Variants in ARHGEF10L observed in about 807,000 individuals in gnomAD.
ARHGEF10L encodes rho guanine nucleotide exchange factor 10-like protein.
Under a neutral mutation model 141.2 loss-of-function variants are expected in ARHGEF10L, and 69 were observed. That is an observed-to-expected ratio of 0.49 (90% confidence interval 0.40 to 0.60). ARHGEF10L has a LOEUF of 0.60. ARHGEF10L is among the 20% of genes least tolerant of loss of function. The pLI is 0.00. For synonymous variants in ARHGEF10L, 711 were observed against 718.5 expected (o/e 0.99, Z 0.17); for missense variants, 1,482 against 1,734.3 (o/e 0.85, Z 2.58).
At position 17,639,919 on chromosome 1, in the gene ARHGEF10L, C is replaced by A. The variant is rs943901938; in HGVS notation, c.2172-283C>A. ...GAGTCACAGCCTGCAGAGGCTCTGC[C>A]GGGCACAAAGCCAGAGGCTCCTGGA... On this transcript the variant is annotated intron_variant, in intron 20 of 28. Transcript: ENST00000361221. The surrounding 1 kb of genome is among the most constrained non-coding windows in gnomAD (Gnocchi z 4.3). 2 of 1,455,922 alleles carry A rather than the reference C, an allele frequency of 1.4e-6. No homozygotes were observed. The highest frequency in any genetic ancestry group is 2.4e-5 in the South Asian group (2 of 82,464). 90.2% of individuals were successfully genotyped at this position (1,455,922 alleles called of 1,614,324 possible). A position where few individuals can be genotyped will look rare whatever the true frequency, so the allele number is the denominator to read the frequency against.
chr1:17,537,683 G>A (rs2076594637), upstream of ARHGEF10L, among the ~76,000 whole-genome samples: 1 of 152,042 alleles, frequency 6.6e-6, no homozygotes, highest in Admixed American at 6.6e-5. Context: ...GGCATCCTGA[G>A]CTGGAGGCGT....
intron 1 of ARHGEF10L, among the ~76,000 whole-genome samples, chr1:17,564,152 C>T (rs1216104074): frequency 6.6e-6 from 1 of 152,204 alleles, no homozygotes; most frequent in African/African-American, 2.4e-5. Flanking sequence ...CTGGCCTGCA[C>T]AGTGGGGCCC....
At chr1:17,687,000 T>G (rs1298917726) in intron 26 of ARHGEF10L, among the ~76,000 whole-genome samples, 2 of 152,170 alleles carry the variant, frequency 1.3e-5, no homozygotes, top group Non-Finnish European at 2.9e-5. Context: ...TTGTTCACTC[T>G]GCTGCTTCTT....
intron 9 of ARHGEF10L, chr1:17,618,467 C>T (rs770849315): frequency 6.8e-7 from 1 of 1,474,468 alleles, no homozygotes; most frequent in Non-Finnish European, 9.0e-7. Context: ...ACCACCCCCA[C>T]CCCCACGCCG....
intron 1 of ARHGEF10L, among the ~76,000 whole-genome samples, chr1:17,565,174 G>T (rs758995900): frequency 6.6e-6 from 1 of 152,180 alleles, no homozygotes; most frequent in Non-Finnish European, 1.5e-5. Flanking sequence ...GGGCCTAGCC[G>T]GGGCCTTGTT....
At chr1:17,688,053 G>A (rs1377249614) in intron 27 of ARHGEF10L, among the ~76,000 whole-genome samples, 3 of 152,212 alleles carry the variant, frequency 2.0e-5, no homozygotes, top group African/African-American at 7.2e-5. Flanking sequence ...AAGCTGGGCA[G>A]GAACCCAGGC....
chr1:17,524,581 G>T, the ARHGEF10L span, among the ~76,000 whole-genome samples: 1 of 152,064 alleles, frequency 6.6e-6, no homozygotes, highest in Admixed American at 6.6e-5. Context: ...CAAAGAAAAT[G>T]TTATATATGT....
the ARHGEF10L span, among the ~76,000 whole-genome samples, chr1:17,530,399 G>A: frequency 2.6e-5 from 4 of 152,170 alleles, no homozygotes; most frequent in Admixed American, 2.6e-4. Context: ...TGCAGAATAG[G>A]AATTGCAATA....
At position 17,634,834 on chromosome 1, in the gene ARHGEF10L, G is replaced by C. The variant is rs1156261422; in HGVS notation, c.1746-1G>C. 6.2e-7 allele frequency: 1 copy of C among 1,612,076 alleles called. No individual in the cohort carries two copies. The highest frequency in any genetic ancestry group is 8.5e-7 in the Non-Finnish European group (1 of 1,179,084). On this transcript the variant is annotated splice_acceptor_variant, in intron 17 of 28. Transcript: ENST00000361221. LOFTEE classifies it high-confidence loss of function. ...GGGCCTTGTCCTCTCTGTTCCAACA[G>C]GGGCCAGCTGGAGATCAGCAGCCTG...
At chr1:17,541,933 C>T (rs1044965895) in intron 1 of ARHGEF10L, among the ~76,000 whole-genome samples, 3 of 152,022 alleles carry the variant, frequency 2.0e-5, no homozygotes, top group Non-Finnish European at 4.4e-5. Context: ...CACCATTGCA[C>T]TCCAGCTTGG....
At chr1:17,517,712 G>T in the ARHGEF10L span, among the ~76,000 whole-genome samples, 2 of 151,918 alleles carry the variant, frequency 1.3e-5, no homozygotes, top group Admixed American at 1.3e-4. Flanking sequence ...CCAGGCTGGA[G>T]TACAATGGCA....
intron 26 of ARHGEF10L, among the ~76,000 whole-genome samples, chr1:17,676,512 A>C (rs1009319489): frequency 6.6e-6 from 1 of 151,942 alleles, no homozygotes; most frequent in Non-Finnish European, 1.5e-5. Flanking sequence ...CATGCAGGCG[A>C]GGCCTGCAGG....
chr1:17,556,546 C>A (rs958243738), intron 1 of ARHGEF10L, among the ~76,000 whole-genome samples: 1 of 152,132 alleles, frequency 6.6e-6, no homozygotes, highest in African/African-American at 2.4e-5. Context: ...TTCTTGGGGT[C>A]CACCAAGGCT....
rs1288793350 is a variant in ARHGEF10L, at chr1:17,644,677, C to A, written c.2273-3877C>A. On this transcript the variant is annotated intron_variant, in intron 21 of 28. Coordinates refer to ENST00000361221, the MANE Select transcript of ARHGEF10L (RefSeq NM_018125.4). This position sits in a 1 kb window ranked among gnomAD's most constrained non-coding sequence, Gnocchi z 4.5. The stretch of plus-strand genomic sequence containing the variant: ...TTAAGTTTGGGAAGTTCGGGAAGAG[C>A]AGTAAAGGCACGATACTGGGACTGA... 6.6e-6 allele frequency among the ~76,000 whole-genome samples: 1 copy of A among 151,972 alleles called. No homozygotes were observed. The highest frequency in any genetic ancestry group is 6.6e-5 in the Admixed American group (1 of 15,266).
intron 1 of ARHGEF10L, among the ~76,000 whole-genome samples, chr1:17,565,348 G>A (rs1258493639): frequency 6.6e-6 from 1 of 152,202 alleles, no homozygotes; most frequent in Non-Finnish European, 1.5e-5. Context: ...ACAGGCCCTG[G>A]AAGCCCTCAT....
chr1:17,637,253 C>G (rs1043009568), intron 18 of ARHGEF10L, among the ~76,000 whole-genome samples: 4 of 152,200 alleles, frequency 2.6e-5, no homozygotes, highest in African/African-American at 9.7e-5. Flanking sequence ...CTGCCTCAAG[C>G]CACAGTGCCT....
rs2065593723 is a variant in ARHGEF10L at position 17,697,459 on chromosome 1, A to G, written c.*79A>G. Reference sequence around the variant, plus strand: ...CCGGCTCTCGTGCTCTAGGACCTGCACGGGACTTGTGGATGGGCCTGGACT... The same window carrying G: ...CCGGCTCTCGTGCTCTAGGACCTGCGCGGGACTTGTGGATGGGCCTGGACT... On this transcript the variant is annotated 3_prime_UTR_variant, in exon 29 of 29. Coordinates refer to ENST00000361221, the MANE Select transcript of ARHGEF10L (RefSeq NM_018125.4). The surrounding 1 kb of genome is among the most constrained non-coding windows in gnomAD (Gnocchi z 4.8). 6.7e-7 allele frequency: 1 copy of G among 1,492,778 alleles called. No individual in the cohort carries two copies. The highest frequency in any genetic ancestry group is 1.4e-5 in the African/African-American group (1 of 71,504). The allele number at this position is 1,492,778 out of a possible 1,614,324, so 92.5% of individuals were successfully genotyped here. A position where few individuals can be genotyped will look rare whatever the true frequency, so the allele number is the denominator to read the frequency against.
At chr1:17,583,838 A>C (rs2078794572) in intron 2 of ARHGEF10L, among the ~76,000 whole-genome samples, 1 of 151,956 alleles carries the variant, frequency 6.6e-6, no homozygotes, top group Non-Finnish European at 1.5e-5. Context: ...CTTTGTGGTC[A>C]TTTATTCCAG....
chr1:17,618,272 C>A, intron 9 of ARHGEF10L: 2 of 1,395,874 alleles, frequency 1.4e-6, no homozygotes, highest in Non-Finnish European at 9.5e-7. Context: ...ACCCCGCCCA[C>A]AAGCCCAGCG....
Sources: gnomAD v4.1 joint callset for allele counts (sites outside exome capture counted in the v4.1 genomes callset) on GRCh38, gnomAD v4.1.1 for gene constraint, Gnocchi (gnomAD v3.1) non-coding constraint, MANE v1.5 for transcripts, NCBI Gene and HGNC (gene_info 2026-07-23, HGNC 2026-07-21) for gene names.